Variants in CCDC77 observed in about 807,000 individuals in gnomAD.
The protein encoded by CCDC77 is coiled-coil domain-containing protein 77.
Under a neutral mutation model 66.8 loss-of-function variants are expected in CCDC77, and 56 were observed. The ratio of observed to expected loss-of-function variants is 0.84; its 90% confidence interval spans 0.68 to 1.05. CCDC77 has a LOEUF of 1.05. Ranked by LOEUF, CCDC77 falls within the 50% of genes least tolerant of loss-of-function variation. The pLI is 0.00. For missense variants in CCDC77, 570 were observed against 576.8 expected (o/e 0.99, Z 0.12); for synonymous variants, 196 against 195.2 (o/e 1.00, Z -0.03).
rs1179236405 is a variant in CCDC77, at chr12:423,489, G to GTTT, written c.413+4855_413+4857dup. 7.7e-3 allele frequency among the ~76,000 whole-genome samples: 251 copies of GTTT among 32,642 alleles called. 17 individuals carry two copies. Among genetic ancestry groups the GTTT allele is most frequent in the Non-Finnish European group, 0.01 (181 of 17,678 alleles). The allele number at this position is 32,642 out of a possible 152,430, so 21.4% of individuals were successfully genotyped here. On this transcript the variant is annotated intron_variant, in intron 5 of 12. Transcript: ENST00000239830. ...TTTTGTGTTTTTTGTGTTTTTTTTTGTTTTGTTTTTTTTTTTTTTTTTTTG... is the reference window on the plus strand; with the variant it reads ...TTTTGTGTTTTTTGTGTTTTTTTTTGTTTTTTTGTTTTTTTTTTTTTTTTTTTG...
intron 9 of CCDC77, among the ~76,000 whole-genome samples, chr12:434,541 G>T (rs141825507): frequency 1.3e-5 from 2 of 151,892 alleles, no homozygotes; most frequent in South Asian, 4.2e-4. Flanking sequence ...TAGTAGAGAC[G>T]GGGTGTCACT....
intron 8 of CCDC77, among the ~76,000 whole-genome samples, chr12:432,780 T>TA (rs770819361): frequency 3.3e-4 from 50 of 152,236 alleles, no homozygotes; most frequent in Non-Finnish European, 6.2e-4. Flanking sequence ...GTAATGCCTG[T>TA]AATCCCAGCA....
chr12:426,248 C>T (rs1179767233), intron 5 of CCDC77, among the ~76,000 whole-genome samples: 1 of 152,200 alleles, frequency 6.6e-6, no homozygotes, highest in African/African-American at 2.4e-5. Flanking sequence ...CTGTCCATGT[C>T]ACATGATGTG....
intron 4 of CCDC77, among the ~76,000 whole-genome samples, chr12:413,088 G>A (rs1029802882): frequency 1.1e-4 from 17 of 150,890 alleles, no homozygotes; most frequent in Admixed American, 1.3e-4. Context: ...GCAGGCGCCC[G>A]CAACCATGCC....
chr12:419,348 C>A (rs890164295), intron 5 of CCDC77, among the ~76,000 whole-genome samples: 1 of 152,200 alleles, frequency 6.6e-6, no homozygotes, highest in Non-Finnish European at 1.5e-5. Context: ...TGTCATTTTT[C>A]AGAGAAAAAC....
rs1944825959 is a variant in CCDC77, at chr12:396,131, C to T, written c.-113+6645C>T. Reference sequence around the variant, plus strand: ...CACTGGCCAGGCGAGGTGGCTCACGCCTATAATCCCAGCACTTTGGGAGGC... The same window carrying T: ...CACTGGCCAGGCGAGGTGGCTCACGTCTATAATCCCAGCACTTTGGGAGGC... On this transcript the variant is annotated intron_variant, in intron 1 of 11. Coordinates refer to the CCDC77 transcript ENST00000422000. Among the ~76,000 whole-genome samples the T allele has an allele frequency of 2.6e-5, 4 of 152,172 alleles. No homozygotes were observed. In the South Asian group the frequency reaches 8.3e-4, roughly 32 times the overall value.
At position 401,678 on chromosome 12, in the gene CCDC77, G is replaced by C. The variant is rs1263193170; in HGVS notation, c.-77G>C. 1.3e-5 allele frequency: 2 copies of C among 152,332 alleles called. No individual in the cohort carries two copies. The highest frequency in any genetic ancestry group is 2.9e-5 in the Non-Finnish European group (2 of 68,082). The allele number at this position is 152,332 out of a possible 1,614,324, so 9.4% of individuals were successfully genotyped here. On this transcript the variant is annotated 5_prime_UTR_variant, in exon 1 of 13. Coordinates refer to ENST00000239830, the MANE Select transcript of CCDC77 (RefSeq NM_032358.4). ...TTGCGTTCCCTGACTCGGAGTCTTA[G>C]TGTGTCGTGAGTATAGAGTTTCGGG...
At chr12:418,376 A>G in intron 4 of CCDC77, 118 bp from the exon 5 acceptor site, 2 of 992,186 alleles carry the variant, frequency 2.0e-6, no homozygotes, top group South Asian at 1.6e-5. Flanking sequence ...TGAATTCTGT[A>G]TTGGCAAAAT....
At chr12:422,764 A>G (rs144837190) in intron 5 of CCDC77, among the ~76,000 whole-genome samples, 1 of 152,190 alleles carries the variant, frequency 6.6e-6, no homozygotes, top group African/African-American at 2.4e-5. Context: ...GTGTGTGCCA[A>G]CATGTCTGGC....
At chr12:407,520 G>A (rs965256594) in intron 2 of CCDC77, among the ~76,000 whole-genome samples, 12 of 152,076 alleles carry the variant, frequency 7.9e-5, no homozygotes, top group Admixed American at 7.2e-4. Context: ...TAAGGACTGA[G>A]GCATCAATTT....
intron 4 of CCDC77, among the ~76,000 whole-genome samples, chr12:416,305 TTA>T (rs1405062946): frequency 8.5e-6 from 1 of 117,432 alleles, no homozygotes; most frequent in Admixed American, 1.1e-4. Flanking sequence ...TGTTAAGTGT[TTA>T]TGTGTGTGTG....
chr12:441,305 G>A (rs1945853991), intron 12 of CCDC77, among the ~76,000 whole-genome samples: 1 of 152,238 alleles, frequency 6.6e-6, no homozygotes, highest in Non-Finnish European at 1.5e-5. Context: ...GAGTAATTGA[G>A]TGATAGAGTA....
At chr12:423,283 C>G (rs1945446866) in intron 5 of CCDC77, among the ~76,000 whole-genome samples, 1 of 131,570 alleles carries the variant, frequency 7.6e-6, no homozygotes, top group Non-Finnish European at 1.6e-5. Context: ...GCTGCCATGC[C>G]CAGCTAATTT....
intron 5 of CCDC77, among the ~76,000 whole-genome samples, chr12:424,825 G>A (rs990712863): frequency 1.3e-5 from 2 of 151,182 alleles, no homozygotes; most frequent in African/African-American, 4.9e-5. Flanking sequence ...TTTGTATACA[G>A]CATTAGGTAA....
At chr12:392,482 A>T (rs1944768666) in intron 1 of CCDC77, among the ~76,000 whole-genome samples, 1 of 152,032 alleles carries the variant, frequency 6.6e-6, no homozygotes, top group Non-Finnish European at 1.5e-5. Flanking sequence ...GGTGGCTCAT[A>T]CCTGTAATCC....
Position 441,762 on chromosome 12 carries a change from T to TC in CCDC77, c.1321-11dup. 3 of 1,532,434 alleles carry TC rather than the reference T, an allele frequency of 2.0e-6. No individual in the cohort carries two copies. The highest frequency in any genetic ancestry group is 4.6e-5 in the East Asian group (2 of 43,900). The allele number at this position is 1,532,434 out of a possible 1,614,324, so 94.9% of individuals were successfully genotyped here. On this transcript the variant is annotated splice_polypyrimidine_tract_variant and intron_variant, in intron 12 of 12. Transcript: ENST00000239830. The stretch of plus-strand genomic sequence containing the variant: ...CATCATTTCTTTTTTTTTTTTTTTT[T>TC]CAAACCCCTAGGCAACAGTTAATGC...
At chr12:432,460 C>T (rs1945671745) in intron 8 of CCDC77, among the ~76,000 whole-genome samples, 10 of 152,074 alleles carry the variant, frequency 6.6e-5, no homozygotes, top group Admixed American at 6.6e-4. Context: ...CAGTTTCTAC[C>T]TTTGGCCAGT....
At chr12:427,886 T>C (rs1945565112) in intron 5 of CCDC77, among the ~76,000 whole-genome samples, 1 of 152,110 alleles carries the variant, frequency 6.6e-6, no homozygotes. Flanking sequence ...GGAATTTTAT[T>C]GGGAAGTGAG....
chr12:425,982 A>G (rs1429933708), intron 5 of CCDC77, among the ~76,000 whole-genome samples: 1 of 152,128 alleles, frequency 6.6e-6, no homozygotes, highest in Non-Finnish European at 1.5e-5. Flanking sequence ...CTCCTGCCTC[A>G]GCCTCCCGAG....
Sources: gnomAD v4.1 joint callset for allele counts (sites outside exome capture counted in the v4.1 genomes callset) on GRCh38, gnomAD v4.1.1 for gene constraint, MANE v1.5 for transcripts, NCBI Gene and HGNC (gene_info 2026-07-23, HGNC 2026-07-21) for gene names.